The following SLC14A2 variants were observed in gnomAD, a reference collection of about 807,000 sequenced individuals.
The protein encoded by SLC14A2 is solute carrier family 14 member 2, also known as urea transporter 2.
A neutral mutation model predicts 104.6 loss-of-function variants in SLC14A2; 91 were observed. The observed-to-expected ratio is 0.87, with a 90% CI of 0.73 to 1.04. SLC14A2 has a LOEUF of 1.04. Ranked by LOEUF, SLC14A2 falls within the 50% of genes least tolerant of loss-of-function variation. The pLI, the probability that SLC14A2 is intolerant of heterozygous loss-of-function variation, is 0.00. For missense variants in SLC14A2, 1,189 were observed against 1,156.0 expected, an observed-to-expected ratio of 1.03 and a Z score of -0.41; for synonymous variants, 476 against 466.4, an observed-to-expected ratio of 1.02 and a Z score of -0.27.
intron 1 of SLC14A2, among the ~76,000 whole-genome samples, chr18:45,405,621 G>A (rs1011995181): frequency 2.0e-5 from 3 of 152,118 alleles, no homozygotes; most frequent in Non-Finnish European, 4.4e-5. Flanking sequence ...GCTATCAATT[G>A]GCCGGGTGTG....
chr18:45,672,942 T>C lies in SLC14A2; in HGVS notation c.2272T>C (p.Cys758Arg). 1 of 1,614,170 alleles carries C rather than the reference T, an allele frequency of 6.2e-7. No individual in the cohort carries two copies. The highest frequency in any genetic ancestry group is 8.5e-7 in the Non-Finnish European group (1 of 1,179,996). ...IPVGIGQVYG[C>R]DNPWTGGIFL... ...CGTTGGAATTGGCCAAGTGTACGGC[T>C]GTGATAACCCCTGGACTGGAGGCAT... The change falls in exon 17 of 20, where the codon TGT becomes CGT. Residue 758 changes from cysteine to arginine, a missense_variant. Cys to Arg is a radical substitution (Grantham distance 180). Coordinates refer to ENST00000255226, the MANE Select transcript of SLC14A2 (RefSeq NM_007163.4).
intron 1 of SLC14A2, among the ~76,000 whole-genome samples, chr18:45,270,582 A>G (rs978295541): frequency 1.3e-5 from 2 of 152,140 alleles, no homozygotes; most frequent in Admixed American, 6.6e-5. Context: ...TGGGACCAGA[A>G]CCCAGTTGTG....
chr18:45,519,814 C>T (rs1430250856), intron 2 of SLC14A2, among the ~76,000 whole-genome samples: 2 of 152,064 alleles, frequency 1.3e-5, no homozygotes, highest in East Asian at 3.9e-4. Context: ...GTTTAGCAGC[C>T]CTTTGTGAGA....
At chr18:45,368,491 G>A (rs949632454) in intron 1 of SLC14A2, among the ~76,000 whole-genome samples, 3 of 152,122 alleles carry the variant, frequency 2.0e-5, no homozygotes, top group African/African-American at 7.2e-5. Context: ...CGCTTCCATG[G>A]CAAGATTTAA....
At chr18:45,611,351 G>C (rs1165237299), upstream of SLC14A2, among the ~76,000 whole-genome samples, 9 of 152,164 alleles carry the variant, frequency 5.9e-5, no homozygotes, top group East Asian at 1.5e-3. Context: ...AAACATCTGT[G>C]CAGGAAAAGG....
At chr18:45,316,737 G>A (rs373574971) in intron 1 of SLC14A2, among the ~76,000 whole-genome samples, 3 of 152,080 alleles carry the variant, frequency 2.0e-5, no homozygotes, top group African/African-American at 7.2e-5. Context: ...AGGACTCTTC[G>A]CACAGGAAGC....
At chr18:45,319,178 C>T (rs893740981) in intron 1 of SLC14A2, among the ~76,000 whole-genome samples, 1 of 152,322 alleles carries the variant, frequency 6.6e-6, no homozygotes, top group East Asian at 1.9e-4. Context: ...TCTCCATTCC[C>T]TTCCATGCTT....
chr18:45,547,207 T>C (rs1355925649), intron 2 of SLC14A2, among the ~76,000 whole-genome samples: 2 of 152,180 alleles, frequency 1.3e-5, no homozygotes, highest in African/African-American at 2.4e-5. Context: ...AAAACTTTTA[T>C]TGATTTTGGA....
Position 45,280,260 on chromosome 18 carries a change from G to A in SLC14A2, c.-125+67069G>A, listed in dbSNP as rs546602013. ...CAGGAGCTAAGGGCGCCGCTGATGTGCACAACAGGAATCACAACAAAGACC... is the reference window on the plus strand; with the variant it reads ...CAGGAGCTAAGGGCGCCGCTGATGTACACAACAGGAATCACAACAAAGACC... On this transcript the variant is annotated intron_variant, in intron 1 of 20. Transcript: ENST00000586448. Among the ~76,000 whole-genome samples the A allele has an allele frequency of 7.8e-4, 119 of 152,222 alleles. 1 individual carries two copies. The highest frequency in any genetic ancestry group is 2.6e-3 in the African/African-American group (109 of 41,534).
At chr18:45,580,576 T>C (rs1360234118) in intron 2 of SLC14A2, among the ~76,000 whole-genome samples, 1 of 152,174 alleles carries the variant, frequency 6.6e-6, no homozygotes, top group African/African-American at 2.4e-5. Context: ...GGAGAATAAT[T>C]GTAGCTAGTT....
intron 1 of SLC14A2, among the ~76,000 whole-genome samples, chr18:45,452,479 T>G (rs1222174628): frequency 1.3e-5 from 2 of 152,244 alleles, no homozygotes; most frequent in Non-Finnish European, 2.9e-5. Flanking sequence ...ACGTGACATT[T>G]TAGCCAATAT....
chr18:45,208,255 A>G (rs1488532717), upstream of SLC14A2, among the ~76,000 whole-genome samples: 1 of 152,212 alleles, frequency 6.6e-6, no homozygotes, highest in Admixed American at 6.5e-5. Flanking sequence ...ACTAAAATAT[A>G]TATTTTTTTC....
In SLC14A2 at chr18:45,669,441, G is replaced by A. The variant is rs1334086881; in HGVS notation, c.2172G>A (p.Leu724=). The A allele has an allele frequency of 6.2e-7, 1 of 1,614,120 alleles. No individual in the cohort carries two copies. ...GHYNLFFPTT[L]LQPASAMPNI... ...ACAACCTTTTCTTCCCCACAACGCT[G>A]CTGCAGCCTGCATCCGCCATGCCCA... is the stretch of plus-strand genomic sequence containing the variant. The change falls in exon 16 of 20, where the codon CTG becomes CTA. Residue 724 remains leucine, a synonymous_variant. Transcript: ENST00000255226.
chr18:45,424,822 T>C (rs984723905), intron 1 of SLC14A2, among the ~76,000 whole-genome samples: 1 of 152,252 alleles, frequency 6.6e-6, no homozygotes, highest in African/African-American at 2.4e-5. Flanking sequence ...CTTCCAAGTT[T>C]GCTATAGCAA....
chr18:45,631,299 C>T (rs2045341672), intron 4 of SLC14A2, among the ~76,000 whole-genome samples: 1 of 152,272 alleles, frequency 6.6e-6, no homozygotes, highest in South Asian at 2.1e-4. Flanking sequence ...GGACTGACCA[C>T]AAGCACACAC....
chr18:45,501,391 G>A (rs368211272), intron 2 of SLC14A2, among the ~76,000 whole-genome samples: 7 of 152,160 alleles, frequency 4.6e-5, no homozygotes, highest in African/African-American at 9.7e-5. Flanking sequence ...CCAGCTTTGT[G>A]GACTGAGTCC....
chr18:45,514,865 A>T (rs1241105504), intron 2 of SLC14A2, among the ~76,000 whole-genome samples: 1 of 152,244 alleles, frequency 6.6e-6, no homozygotes, highest in Non-Finnish European at 1.5e-5. Flanking sequence ...ATATCCATAG[A>T]AATGTTAATT....
chr18:45,653,521 A>G (rs1225988837), intron 10 of SLC14A2, among the ~76,000 whole-genome samples: 1 of 152,118 alleles, frequency 6.6e-6, no homozygotes, highest in Admixed American at 6.6e-5. Flanking sequence ...ATGACCCATC[A>G]TACTCACAAA....
rs1217842871 is a variant in SLC14A2 at position 45,682,634 on chromosome 18, A to G, written c.*115A>G. On this transcript the variant is annotated 3_prime_UTR_variant, in exon 20 of 20. Transcript: ENST00000255226. Reference sequence around the variant, plus strand: ...GGTCTGTTCTGTGACTCTCTCCCCAAACACAAAGAAGCGTGTATGTAGTCA... The same window carrying G: ...GGTCTGTTCTGTGACTCTCTCCCCAGACACAAAGAAGCGTGTATGTAGTCA... 4 of 802,722 alleles carry G rather than the reference A, an allele frequency of 5.0e-6. No individual in the cohort carries two copies. Among genetic ancestry groups the G allele is most frequent in the South Asian group, 1.5e-5 (1 of 67,340 alleles). The allele number at this position is 802,722 out of a possible 1,614,324, so 49.7% of individuals were successfully genotyped here.
Sources: gnomAD v4.1 joint callset for allele counts (sites outside exome capture counted in the v4.1 genomes callset) on GRCh38, gnomAD v4.1.1 for gene constraint, MANE v1.5 for transcripts, NCBI Gene and HGNC (gene_info 2026-07-23, HGNC 2026-07-21) for gene names.